Variants in CYRIB observed in about 807,000 individuals in gnomAD.
The protein encoded by CYRIB is CYFIP related Rac1 interactor B.
A neutral mutation model predicts 44.2 loss-of-function variants in CYRIB; 8 were observed. The ratio of observed to expected loss-of-function variants is 0.18; its 90% CI spans 0.11 to 0.33. The LOEUF (loss-of-function observed/expected upper bound fraction) is 0.33, where lower values mean the gene tolerates loss of function less well. Ranked by LOEUF, CYRIB falls within the 10% of genes least tolerant of loss-of-function variation. The probability of loss-of-function intolerance (pLI) is 1.00; values close to 1 mark genes in which losing one functional copy is unlikely to be tolerated. For missense variants in CYRIB, 185 were observed against 382.8 expected (o/e 0.48, Z 4.31); for synonymous variants, 131 against 127.2 (o/e 1.03, Z -0.20).
intron 2 of CYRIB, among the ~76,000 whole-genome samples, chr8:129,879,978 T>G (rs1364774126): frequency 6.6e-6 from 1 of 152,158 alleles, no homozygotes; most frequent in East Asian, 1.9e-4. Context: ...CTAACCAAAT[T>G]TGGATTGTCA....
chr8:129,979,421 T>C (rs2096112157), intron 1 of CYRIB, among the ~76,000 whole-genome samples: 2 of 152,190 alleles, frequency 1.3e-5, no homozygotes, highest in South Asian at 2.1e-4. Flanking sequence ...GAGGTTCTTT[T>C]ATTCACAAAC....
intron 1 of CYRIB, among the ~76,000 whole-genome samples, chr8:129,925,703 T>C (rs1056346141): frequency 2.0e-5 from 3 of 152,192 alleles, no homozygotes; most frequent in Non-Finnish European, 4.4e-5. Flanking sequence ...CCAAAGCAGA[T>C]AGTCTCTCTT....
intron 1 of CYRIB, among the ~76,000 whole-genome samples, chr8:129,980,939 G>T (rs944672694): frequency 6.6e-5 from 10 of 151,522 alleles, no homozygotes; most frequent in African/African-American, 1.2e-4. Flanking sequence ...AGCAGAGGTG[G>T]CATCACTGCA....
Position 129,882,472 on chromosome 8 carries a change from T to C in CYRIB, c.-10-3001A>G, listed in dbSNP as rs997999229. Among the ~76,000 whole-genome samples the C allele has an allele frequency of 2.4e-4, 37 of 152,336 alleles. 1 individual carries two copies. The highest frequency in any genetic ancestry group is 8.2e-4 in the African/African-American group (34 of 41,594). On this transcript the variant is annotated intron_variant, in intron 2 of 11. Coordinates refer to ENST00000519824, the Ensembl canonical transcript of CYRIB. ...CAAAATAACCTTTTAAAAGTAATAA[T>C]GGCTCTATTTCTTTTAACATAAACC...
At chr8:129,919,281 T>C (rs1009281924) in intron 1 of CYRIB, among the ~76,000 whole-genome samples, 1 of 152,230 alleles carries the variant, frequency 6.6e-6, no homozygotes, top group African/African-American at 2.4e-5. Flanking sequence ...TATTACCGCA[T>C]GTCTTGGTAG....
At chr8:129,849,162 C>T (rs2041982221) in intron 10 of CYRIB, 81 bp downstream of exon 12, 4 of 1,365,192 alleles carry the variant, frequency 2.9e-6, no homozygotes, top group Non-Finnish European at 3.9e-6. Context: ...GTCCGGTTTG[C>T]TGGCTCTTAT....
chr8:129,933,036 C>T (rs2091967577), intron 1 of CYRIB, among the ~76,000 whole-genome samples: 1 of 152,106 alleles, frequency 6.6e-6, no homozygotes, highest in South Asian at 2.1e-4. Flanking sequence ...GCAACAAGCC[C>T]CATGGTCCCA....
exon 12 of CYRIB, chr8:129,840,797 G>C (rs1456202211): frequency 6.6e-6 from 1 of 152,268 alleles, no homozygotes; most frequent in African/African-American, 2.4e-5. Flanking sequence ...CAGTGATCAG[G>C]AGGGCCAGAG....
At chr8:129,864,127 A>G (rs1468942345) in intron 4 of CYRIB, among the ~76,000 whole-genome samples, 1 of 152,270 alleles carries the variant, frequency 6.6e-6, no homozygotes, top group African/African-American at 2.4e-5. Context: ...TTTACTTTAC[A>G]AGCTTGGCAC....
chr8:129,851,062 G>A (rs905199576), intron 8 of CYRIB, 148 bp from the exon 11 acceptor site: 3 of 610,096 alleles, frequency 4.9e-6, no homozygotes, highest in Non-Finnish European at 8.7e-6. Flanking sequence ...TAGACTCTAA[G>A]CAACTGTTCC....
Position 129,874,355 on chromosome 8 carries a change from G to C in CYRIB, c.74-2859C>G, listed in dbSNP as rs2058416017. Among the ~76,000 whole-genome samples, 2 of 151,972 alleles carry C rather than the reference G, an allele frequency of 1.3e-5. 1 individual carries two copies. The highest frequency in any genetic ancestry group is 4.8e-5 in the African/African-American group (2 of 41,486). On this transcript the variant is annotated intron_variant, in intron 3 of 11. Coordinates refer to ENST00000519824, the Ensembl canonical transcript of CYRIB. ...TTAACTTCACACTAATTTCTTATAG[G>C]GTGGAGGGTAGAAAAAGAGTCAATA...
chr8:129,884,446 G>A (rs921538965), intron 2 of CYRIB, among the ~76,000 whole-genome samples: 1 of 151,972 alleles, frequency 6.6e-6, no homozygotes, highest in East Asian at 1.9e-4. Flanking sequence ...GCACCACCAC[G>A]CCCGGCTAAT....
chr8:129,885,402 C>T (rs1216903375), intron 2 of CYRIB, among the ~76,000 whole-genome samples: 1 of 152,190 alleles, frequency 6.6e-6, no homozygotes, highest in Non-Finnish European at 1.5e-5. Context: ...TCCTCACATC[C>T]AGCTTATAAA....
At chr8:129,960,429 T>C (rs2095174168) in intron 2 of CYRIB, among the ~76,000 whole-genome samples, 1 of 150,942 alleles carries the variant, frequency 6.6e-6, no homozygotes, top group Non-Finnish European at 1.5e-5. Flanking sequence ...ACCCCGCCTC[T>C]ACTAAAAATA....
intron 1 of CYRIB, among the ~76,000 whole-genome samples, chr8:129,984,121 C>T (rs1031415418): frequency 6.6e-6 from 1 of 152,210 alleles, no homozygotes; most frequent in East Asian, 1.9e-4. Context: ...CGGGGAACAC[C>T]GCCCACCAGC....
At chr8:130,009,594 C>G (rs1365948141) in intron 1 of CYRIB, among the ~76,000 whole-genome samples, 1 of 152,118 alleles carries the variant, frequency 6.6e-6, no homozygotes, top group Non-Finnish European at 1.5e-5. Flanking sequence ...AACTGTCCCC[C>G]TGCATTAAAT....
At chr8:129,885,267 CA>C (rs1217913700) in intron 2 of CYRIB, among the ~76,000 whole-genome samples, 1 of 152,184 alleles carries the variant, frequency 6.6e-6, no homozygotes, top group Admixed American at 6.5e-5. Context: ...CTTTCTCTGC[CA>C]ACCTTCTCAA....
chr8:129,871,648 T>TG, intron 3 of CYRIB, 152 bp from the exon 6 acceptor site: 1 of 736,860 alleles, frequency 1.4e-6, no homozygotes, highest in Non-Finnish European at 2.2e-6. Flanking sequence ...ACTAATACTT[T>TG]TTCCATAGTC....
chr8:129,915,558 A>T (rs968747315), intron 1 of CYRIB, among the ~76,000 whole-genome samples: 1 of 152,208 alleles, frequency 6.6e-6, no homozygotes, highest in South Asian at 2.1e-4. Flanking sequence ...GTCTAGGGGC[A>T]GGTAGGGTGG....
Sources: gnomAD v4.1 joint callset for allele counts (sites outside exome capture counted in the v4.1 genomes callset) on GRCh38, gnomAD v4.1.1 for gene constraint, MANE v1.5 for transcripts, NCBI Gene and HGNC (gene_info 2026-07-23, HGNC 2026-07-21) for gene names.